Variants in ARHGAP6 observed in about 807,000 individuals in gnomAD.
ARHGAP6 encodes the protein rho GTPase-activating protein 6.
A neutral mutation model predicts 55.7 loss-of-function variants in ARHGAP6; 16 were observed. The observed-to-expected ratio is 0.29, with a 90% CI of 0.19 to 0.44. The LOEUF (loss-of-function observed/expected upper bound fraction) is 0.44, where lower values mean the gene tolerates loss of function less well. Ranked by LOEUF, ARHGAP6 falls within the 20% of genes least tolerant of loss-of-function variation. The pLI, the probability that ARHGAP6 is intolerant of heterozygous loss-of-function variation, is 1.00. For missense variants in ARHGAP6, 698 were observed against 808.9 expected, an observed-to-expected ratio of 0.86 and a Z score of 1.66; for synonymous variants, 382 against 360.9, an observed-to-expected ratio of 1.06 and a Z score of -0.66.
intron 1 of ARHGAP6, among the ~76,000 whole-genome samples, chrX:11,663,750 T>G (rs760945417): frequency 8.9e-6 from 1 of 111,979 alleles, no homozygotes; most frequent in East Asian, 2.8e-4. Flanking sequence ...AGAGAATTCT[T>G]GTCCCCCCTG....
intron 1 of ARHGAP6, among the ~76,000 whole-genome samples, chrX:11,500,256 T>C (rs986994571): frequency 9.0e-6 from 1 of 111,348 alleles, no homozygotes; most frequent in Non-Finnish European, 1.9e-5. Context: ...TCCATGGGGG[T>C]TCCCTCTCCT....
chrX:11,144,568 G>C (rs2045664698), intron 10 of ARHGAP6, among the ~76,000 whole-genome samples: 1 of 112,592 alleles, frequency 8.9e-6, no homozygotes, highest in African/African-American at 3.2e-5. Context: ...ACTCATTCCT[G>C]CTTCCATTTT....
intron 1 of ARHGAP6, among the ~76,000 whole-genome samples, chrX:11,335,395 C>T (rs1439782901): frequency 1.8e-5 from 2 of 110,912 alleles, no homozygotes; most frequent in East Asian, 2.8e-4. Context: ...TGACAGGCCC[C>T]GGTGTGTAAT....
intron 1 of ARHGAP6, among the ~76,000 whole-genome samples, chrX:11,467,027 A>T (rs1473738606): frequency 1.8e-5 from 2 of 112,291 alleles, no homozygotes; most frequent in Non-Finnish European, 3.8e-5. Context: ...CCTTGAAGTC[A>T]TTTGTTGAAT....
At chrX:11,467,984 GAATGAATGAATAAATA>G (rs1362091551) in intron 1 of ARHGAP6, among the ~76,000 whole-genome samples, 139 of 45,774 alleles carry the variant, frequency 3.0e-3, no homozygotes, top group African/African-American at 9.9e-3. Flanking sequence ...TGTCTTAAAT[GAATGAATGAATAAATA>G]AATAAATAAA....
At chrX:11,390,502 A>G (rs1463264824) in intron 1 of ARHGAP6, among the ~76,000 whole-genome samples, 12 of 111,497 alleles carry the variant, frequency 1.1e-4, no homozygotes, top group Non-Finnish European at 2.3e-4. Flanking sequence ...ACAGCAAAAG[A>G]AACTACCATC....
At chrX:11,478,679 A>G (rs191612766) in intron 1 of ARHGAP6, among the ~76,000 whole-genome samples, 2 of 111,986 alleles carry the variant, frequency 1.8e-5, no homozygotes, top group Non-Finnish European at 3.8e-5. Context: ...CTTGCAAAGC[A>G]TGAAAAAAAA....
intron 2 of ARHGAP6, among the ~76,000 whole-genome samples, chrX:11,222,434 T>C: frequency 8.9e-6 from 1 of 111,735 alleles, no homozygotes; most frequent in Non-Finnish European, 1.9e-5. Flanking sequence ...AAAATATTTG[T>C]ATTATGGTGC....
At chrX:11,358,541 G>A (rs771280896) in intron 1 of ARHGAP6, among the ~76,000 whole-genome samples, 20 of 102,260 alleles carry the variant, frequency 2.0e-4, no homozygotes, top group Admixed American at 4.4e-4. Flanking sequence ...ATGCGATGGC[G>A]TGATCTCAGC....
chrX:11,427,566 C>T (rs945023263), intron 1 of ARHGAP6: 33 of 920,662 alleles, frequency 3.6e-5, no homozygotes, highest in Non-Finnish European at 4.5e-5. Context: ...GCAGCTGGGG[C>T]TTCTCGCCGC....
chrX:11,558,748 A>T (rs993914445), intron 1 of ARHGAP6, among the ~76,000 whole-genome samples: 12 of 99,316 alleles, frequency 1.2e-4, no homozygotes, highest in African/African-American at 4.5e-4. Context: ...AGGCAGGAGA[A>T]TCTCTTGAAT....
intron 1 of ARHGAP6, among the ~76,000 whole-genome samples, chrX:11,659,080 A>G (rs2052668471): frequency 9.0e-6 from 1 of 111,695 alleles, no homozygotes; most frequent in African/African-American, 3.3e-5. Flanking sequence ...TAAGAATTCA[A>G]AGATGAGTAA....
chrX:11,427,826 A>G (rs774552748), intron 1 of ARHGAP6: 2 of 324,529 alleles, frequency 6.2e-6, no homozygotes, highest in Non-Finnish European at 7.6e-6. Context: ...GAGGAGGAGG[A>G]GGAGGAGGAG....
intron 1 of ARHGAP6, among the ~76,000 whole-genome samples, chrX:11,338,326 T>C (rs995112873): frequency 8.9e-6 from 1 of 111,889 alleles, no homozygotes; most frequent in Non-Finnish European, 1.9e-5. Context: ...ATAATTTGAA[T>C]CTTACTTGGC....
intron 1 of ARHGAP6, among the ~76,000 whole-genome samples, chrX:11,397,025 T>C (rs749815774): frequency 9.0e-6 from 1 of 111,430 alleles, no homozygotes; most frequent in East Asian, 2.8e-4. Flanking sequence ...AGGTTTCCCA[T>C]TCTTGGGAGT....
intron 1 of ARHGAP6, among the ~76,000 whole-genome samples, chrX:11,560,125 G>A (rs983115822): frequency 1.1e-4 from 12 of 110,413 alleles, no homozygotes; most frequent in Admixed American, 5.8e-4. Flanking sequence ...AAAGTTGAGG[G>A]AAAAATAGTG....
intron 1 of ARHGAP6, among the ~76,000 whole-genome samples, chrX:11,613,968 A>C (rs968643732): frequency 1.8e-5 from 2 of 112,355 alleles, no homozygotes; most frequent in African/African-American, 6.5e-5. Context: ...GGCAGGAACC[A>C]GGAAGGGTTT....
intron 1 of ARHGAP6, among the ~76,000 whole-genome samples, chrX:11,461,329 T>C (rs1406374443): frequency 2.7e-5 from 3 of 111,609 alleles, no homozygotes. Flanking sequence ...AGTTGTGTGG[T>C]GACTAAGGAC....
intron 1 of ARHGAP6, among the ~76,000 whole-genome samples, chrX:11,448,072 C>T (rs781680949): frequency 8.9e-6 from 1 of 112,484 alleles, no homozygotes; most frequent in East Asian, 2.8e-4. Flanking sequence ...AATACTTCTC[C>T]ACACTTATGC....
Sources: allele counts gnomAD v4.1 joint callset (sites outside exome capture counted in the v4.1 genomes callset), GRCh38; gene constraint gnomAD v4.1.1; transcripts MANE v1.5; gene names NCBI Gene and HGNC (gene_info 2026-07-23, HGNC 2026-07-21).